The following MARK1 variants were observed in gnomAD, a reference collection of about 807,000 sequenced individuals.
MARK1 encodes the protein serine/threonine-protein kinase MARK1.
MARK1 carries 40 observed loss-of-function variants against 96.3 expected under a neutral mutation model. The observed-to-expected ratio is 0.42, with a 90% CI of 0.32 to 0.54. The LOEUF (loss-of-function observed/expected upper bound fraction) is 0.54. Among genes scored for constraint, MARK1 ranks in the 20% least tolerant of loss-of-function variants. The probability of loss-of-function intolerance (pLI) is 0.16; values close to 1 mark genes in which losing one functional copy is unlikely to be tolerated. For synonymous variants in MARK1, 317 were observed against 341.2 expected, an observed-to-expected ratio of 0.93 and a Z score of 0.78; for missense variants, 719 against 984.6, an observed-to-expected ratio of 0.73 and a Z score of 3.61.
At chr1:220,595,589 A>G (rs922516939) in intron 3 of MARK1, among the ~76,000 whole-genome samples, 3 of 152,196 alleles carry the variant, frequency 2.0e-5, no homozygotes, top group African/African-American at 7.2e-5. Context: ...AAGGCTAGAG[A>G]GGTAAATAGG....
intron 1 of MARK1, among the ~76,000 whole-genome samples, chr1:220,571,427 T>G (rs1663445731): frequency 6.6e-6 from 1 of 152,218 alleles, no homozygotes; most frequent in Non-Finnish European, 1.5e-5. Context: ...TTCATAAGCA[T>G]TCTTTTCCAG....
chr1:220,538,082 T>C (rs1255635807), intron 1 of MARK1, among the ~76,000 whole-genome samples: 1 of 151,938 alleles, frequency 6.6e-6, no homozygotes, highest in Non-Finnish European at 1.5e-5. Flanking sequence ...TTTAGTTTAA[T>C]TAGATCCTGT....
chr1:220,547,780 A>G (rs1322691158), intron 1 of MARK1, among the ~76,000 whole-genome samples: 1 of 152,138 alleles, frequency 6.6e-6, no homozygotes, highest in African/African-American at 2.4e-5. Context: ...GTTGGCCAGG[A>G]TGGTCTGGAT....
At chr1:220,622,186 G>A (rs1424111881) in intron 9 of MARK1, among the ~76,000 whole-genome samples, 1 of 152,086 alleles carries the variant, frequency 6.6e-6, no homozygotes, top group Non-Finnish European at 1.5e-5. Context: ...ATATTAGTAT[G>A]TCTAGATTTT....
chr1:220,659,882 C>T (rs1221577436), intron 17 of MARK1, among the ~76,000 whole-genome samples: 2 of 152,146 alleles, frequency 1.3e-5, no homozygotes, highest in Non-Finnish European at 1.5e-5. Flanking sequence ...CCTCCACCTC[C>T]CAGGTTCAAG....
intron 11 of MARK1, among the ~76,000 whole-genome samples, chr1:220,635,023 G>A (rs563694261): frequency 5.0e-4 from 76 of 152,108 alleles, no homozygotes; most frequent in African/African-American, 1.8e-3. Context: ...TACATCATAG[G>A]TTTGTTGTGA....
rs1669608913 is a variant in MARK1, at chr1:220,663,868, C to T, written c.*1702C>T. On this transcript the variant is annotated 3_prime_UTR_variant, in exon 18 of 18. Transcript: ENST00000366917. ...TGATGCAAATCTTTATTCACTTTCA[C>T]TGGTGCACACTGAAATTTTACTTGA... is the stretch of plus-strand genomic sequence containing the variant. The T allele has an allele frequency of 6.6e-6, 1 of 152,328 alleles. No individual in the cohort carries two copies. Among genetic ancestry groups the T allele is most frequent in the Non-Finnish European group, 1.5e-5 (1 of 67,984 alleles). 9.4% of individuals were successfully genotyped at this position (152,328 alleles called of 1,614,324 possible).
chr1:220,586,007 A>ACGCGCG (rs774098418), intron 3 of MARK1, among the ~76,000 whole-genome samples: 1,822 of 61,774 alleles, frequency 0.029, 41 homozygotes, highest in African/African-American at 0.059. Flanking sequence ...ACACACACAC[A>ACGCGCG]CACACGCGCG....
At chr1:220,582,130 G>C (rs1664285134) in intron 3 of MARK1, among the ~76,000 whole-genome samples, 3 of 152,060 alleles carry the variant, frequency 2.0e-5, no homozygotes, top group African/African-American at 7.2e-5. Context: ...TTCTCATTTG[G>C]CTCAGTCCCA....
chr1:220,644,457 C>G (rs376463268), intron 13 of MARK1, among the ~76,000 whole-genome samples: 2 of 139,392 alleles, frequency 1.4e-5, no homozygotes, highest in Non-Finnish European at 1.5e-5. Flanking sequence ...AGACCCCCCC[C>G]CCCCCACACA....
chr1:220,571,000 A>G (rs1157876396), intron 1 of MARK1, among the ~76,000 whole-genome samples: 1 of 152,140 alleles, frequency 6.6e-6, no homozygotes, highest in East Asian at 1.9e-4. Context: ...ATGTTTTTGT[A>G]AATAGGTATG....
chr1:220,623,284 A>G (rs938019469), intron 9 of MARK1, among the ~76,000 whole-genome samples: 1 of 152,288 alleles, frequency 6.6e-6, no homozygotes, highest in East Asian at 1.9e-4. Context: ...TTTGGTTACC[A>G]TGAAAGAATT....
chr1:220,607,826 ATTGT>A (rs1004859950), intron 6 of MARK1, among the ~76,000 whole-genome samples: 1 of 151,760 alleles, frequency 6.6e-6, no homozygotes, highest in Admixed American at 6.6e-5. Context: ...CGTGGTTTTC[ATTGT>A]TTGTTGTTTA....
intron 1 of MARK1, among the ~76,000 whole-genome samples, chr1:220,573,761 T>A (rs985970327): frequency 6.6e-6 from 1 of 152,110 alleles, no homozygotes; most frequent in South Asian, 2.1e-4. Context: ...TCTTTTTAAA[T>A]GTTGCAGTAT....
At chr1:220,572,880 C>CT (rs1328934625) in intron 1 of MARK1, among the ~76,000 whole-genome samples, 2 of 151,996 alleles carry the variant, frequency 1.3e-5, no homozygotes, top group Non-Finnish European at 2.9e-5. Context: ...CTAAAAATGT[C>CT]TTTTTTGCCT....
At chr1:220,551,596 T>C (rs1208702580) in intron 1 of MARK1, among the ~76,000 whole-genome samples, 2 of 152,192 alleles carry the variant, frequency 1.3e-5, no homozygotes, top group Non-Finnish European at 2.9e-5. Context: ...TCATTTCTCT[T>C]CTCAGTCTCT....
intron 13 of MARK1, among the ~76,000 whole-genome samples, chr1:220,636,642 C>CTTTAGCGAAAAGTCCTAATAGT (rs1667980658): frequency 2.6e-5 from 4 of 151,726 alleles, no homozygotes; most frequent in African/African-American, 9.7e-5. Context: ...TGAAAAGACC[C>CTTTAGCGAAAAGTCCTAATAGT]AGAGTGACAA....
intron 13 of MARK1, among the ~76,000 whole-genome samples, chr1:220,647,879 C>T (rs1668667695): frequency 6.6e-6 from 1 of 152,032 alleles, no homozygotes; most frequent in African/African-American, 2.4e-5. Flanking sequence ...ACAACACACA[C>T]TGGGGCCTTT....
At chr1:220,572,243 C>CT (rs1553319486) in intron 1 of MARK1, among the ~76,000 whole-genome samples, 1 of 151,398 alleles carries the variant, frequency 6.6e-6, no homozygotes, top group Non-Finnish European at 1.5e-5. Context: ...TTTTCTTTTC[C>CT]TTTTTTTTCT....
Sources: allele counts gnomAD v4.1 joint callset (sites outside exome capture counted in the v4.1 genomes callset), GRCh38; gene constraint gnomAD v4.1.1; transcripts MANE v1.5; gene names NCBI Gene and HGNC (gene_info 2026-07-23, HGNC 2026-07-21).